Variants in PKHD1L1 observed in about 807,000 individuals in gnomAD.
PKHD1L1 encodes the protein fibrocystin-L.
Under a neutral mutation model 462.9 loss-of-function variants are expected in PKHD1L1, and 434 were observed. That is an observed-to-expected ratio of 0.94 (90% CI 0.87 to 1.02). The LOEUF (loss-of-function observed/expected upper bound fraction) is 1.02. PKHD1L1 is among the 50% of genes least tolerant of loss of function. PKHD1L1 has a pLI of 0.00. For synonymous variants in PKHD1L1, 1,781 were observed against 1,750.0 expected (o/e 1.02, Z -0.44); for missense variants, 5,202 against 5,096.1 (o/e 1.02, Z -0.63).
intron 9 of PKHD1L1, among the ~76,000 whole-genome samples, chr8:109,392,292 G>A (rs1057029498): frequency 1.3e-5 from 2 of 152,132 alleles, no homozygotes; most frequent in African/African-American, 4.8e-5. Flanking sequence ...TCCATCATAT[G>A]TCTCTCAGAG....
chr8:109,473,811 C>G (rs1267619091), intron 50 of PKHD1L1, among the ~76,000 whole-genome samples: 1 of 152,084 alleles, frequency 6.6e-6, no homozygotes. Flanking sequence ...GCTCAGGTAA[C>G]TCCACATGTA....
In PKHD1L1 at chr8:109,532,554, T is replaced by A. The variant is rs1463414348; in HGVS notation, c.*2464T>A. Among the ~76,000 whole-genome samples the A allele has an allele frequency of 3.3e-5, 5 of 152,258 alleles. No individual in the cohort carries two copies. The highest frequency in any genetic ancestry group is 3.3e-4 in the Admixed American group (5 of 15,282). On this transcript the variant is annotated 3_prime_UTR_variant, in exon 78 of 78. Transcript: ENST00000378402. ...GTATTGTAAGAAGTGGCTATCTAGCTCTTGAACAAGTCATAAAAATCCTTT... is the reference window on the plus strand; with the variant it reads ...GTATTGTAAGAAGTGGCTATCTAGCACTTGAACAAGTCATAAAAATCCTTT...
chr8:109,425,278 T>C, intron 24 of PKHD1L1, 46 bp downstream of exon 24: 1 of 1,415,756 alleles, frequency 7.1e-7, no homozygotes. Flanking sequence ...CACACACATA[T>C]GTATAACCTT....
At chr8:109,517,616 AG>A (rs1586657317) in intron 72 of PKHD1L1, among the ~76,000 whole-genome samples, 2 of 152,148 alleles carry the variant, frequency 1.3e-5, no homozygotes, top group East Asian at 3.9e-4. Context: ...AACATTTTTC[AG>A]GCTGAAATGT....
At chr8:109,407,460 C>A (rs1014856644) in intron 17 of PKHD1L1, among the ~76,000 whole-genome samples, 1 of 151,986 alleles carries the variant, frequency 6.6e-6, no homozygotes, top group African/African-American at 2.4e-5. Flanking sequence ...CTTTACCCAA[C>A]AAAAAGGGTC....
intron 50 of PKHD1L1, chr8:109,470,176 GA>G: frequency 1.4e-6 from 1 of 722,164 alleles, no homozygotes. Flanking sequence ...TGAAGATTGG[GA>G]AAAGTATCTG....
At chr8:109,369,784 G>A (rs775839679) in intron 2 of PKHD1L1, among the ~76,000 whole-genome samples, 1 of 152,108 alleles carries the variant, frequency 6.6e-6, no homozygotes, top group Non-Finnish European at 1.5e-5. Flanking sequence ...GGGTTTACAC[G>A]TAACTTGCTT....
intron 20 of PKHD1L1, among the ~76,000 whole-genome samples, chr8:109,412,677 AC>A (rs1306838012): frequency 1.3e-5 from 2 of 152,052 alleles, no homozygotes; most frequent in African/African-American, 4.8e-5. Context: ...AAATATTTGC[AC>A]ACAAGTTTAA....
chr8:109,479,882 G>T (rs1818184963), intron 54 of PKHD1L1, 109 bp from the exon 55 acceptor site: 2 of 1,099,508 alleles, frequency 1.8e-6, no homozygotes. Flanking sequence ...TATATGAAAA[G>T]ACATGTCATA....
intron 14 of PKHD1L1, among the ~76,000 whole-genome samples, chr8:109,402,210 G>A (rs1022103878): frequency 6.6e-6 from 1 of 152,148 alleles, no homozygotes; most frequent in African/African-American, 2.4e-5. Flanking sequence ...TGGAGAAGGT[G>A]GTGGAATGGA....
At chr8:109,407,300 G>T (rs1259782990) in intron 17 of PKHD1L1, among the ~76,000 whole-genome samples, 3 of 152,094 alleles carry the variant, frequency 2.0e-5, no homozygotes, top group African/African-American at 7.2e-5. Flanking sequence ...GTTTTAAAAA[G>T]TGTACAAAAG....
intron 72 of PKHD1L1, among the ~76,000 whole-genome samples, chr8:109,516,848 T>C (rs1673410): frequency 0.24 from 36,033 of 151,906 alleles, 4,958 homozygotes; most frequent in African/African-American, 0.34. Flanking sequence ...GGCAGAGAGT[T>C]CCACTAACAT....
chr8:109,377,106 C>T (rs1428373158), intron 2 of PKHD1L1, among the ~76,000 whole-genome samples: 1 of 152,156 alleles, frequency 6.6e-6, no homozygotes, highest in Non-Finnish European at 1.5e-5. Context: ...GCAGTTGTAC[C>T]ACAGATATCT....
Position 109,443,872 on chromosome 8 carries a change from T to C in PKHD1L1, c.4761T>C (p.His1587=). 1 of 1,613,462 alleles carries C rather than the reference T, an allele frequency of 6.2e-7. No homozygotes were observed. The highest frequency in any genetic ancestry group is 1.1e-5 in the South Asian group (1 of 91,066). Residue 1587 remains histidine (H), a synonymous_variant, in exon 37 of 78, where the codon CAT becomes CAC. Transcript: ENST00000378402. ...TVNELITIIG[H]GFSNLPWANK... ...ATGAACTAATAACAATTATTGGACA[T>C]GGCTTTAGTAATCTCCCATGGGCTA... is the stretch of plus-strand genomic sequence containing the variant.
intron 24 of PKHD1L1, 42 bp from the exon 25 acceptor site, chr8:109,426,960 G>C (rs1455821958): frequency 8.9e-7 from 1 of 1,129,448 alleles, no homozygotes; most frequent in East Asian, 2.4e-5. Flanking sequence ...GCCCGTTTGT[G>C]AATTGTGACT....
chr8:109,410,285 C>T (rs542961864), intron 19 of PKHD1L1, among the ~76,000 whole-genome samples: 2 of 152,034 alleles, frequency 1.3e-5, no homozygotes, highest in Non-Finnish European at 2.9e-5. Context: ...TGTTGCGTTG[C>T]TATAAAGAAA....
Position 109,456,397 on chromosome 8 carries a change from A to C in PKHD1L1, c.7004+6A>C, listed in dbSNP as rs896746393. 6.3e-7 allele frequency: 1 copy of C among 1,599,446 alleles called. No homozygotes were observed. The highest frequency in any genetic ancestry group is 1.7e-5 in the Admixed American group (1 of 58,048). ...ATTGCAAGCACAGGACACAGGTATG[A>C]TATCTTCTGGGCTTAATGATGTGTA... On this transcript the variant is annotated splice_donor_region_variant and intron_variant, in intron 46 of 77. Transcript: ENST00000378402.
At chr8:109,384,048 A>G in intron 4 of PKHD1L1, 22 bp from the exon 5 acceptor site, 1 of 1,527,664 alleles carries the variant, frequency 6.5e-7, no homozygotes, top group Non-Finnish European at 9.1e-7. Flanking sequence ...AAGTTTTCAT[A>G]TTGACATTAT....
intron 45 of PKHD1L1, among the ~76,000 whole-genome samples, chr8:109,455,649 A>G (rs1459300850): frequency 1.3e-5 from 2 of 152,162 alleles, no homozygotes; most frequent in African/African-American, 4.8e-5. Context: ...TTCTATAACT[A>G]TATCCTAGAA....
Sources: gnomAD v4.1 joint callset for allele counts (sites outside exome capture counted in the v4.1 genomes callset) on GRCh38, gnomAD v4.1.1 for gene constraint, MANE v1.5 for transcripts, NCBI Gene and HGNC (gene_info 2026-07-23, HGNC 2026-07-21) for gene names.